The following SH3RF1 variants were observed in gnomAD, a reference collection of about 807,000 sequenced individuals.
SH3RF1 encodes the protein E3 ubiquitin-protein ligase SH3RF1.
A neutral mutation model predicts 74.0 loss-of-function variants in SH3RF1; 32 were observed. That is an observed-to-expected ratio of 0.43 (90% CI 0.33 to 0.58). The LOEUF is 0.58. SH3RF1 is among the 20% of genes least tolerant of loss of function. The pLI, the probability that SH3RF1 is intolerant of heterozygous loss-of-function variation, is 0.05. For missense variants in SH3RF1, 954 were observed against 1,130.9 expected (o/e 0.84, Z 2.24); for synonymous variants, 396 against 439.6 (o/e 0.90, Z 1.24).
intron 4 of SH3RF1, among the ~76,000 whole-genome samples, chr4:169,150,254 T>C (rs1004959460): frequency 2.2e-4 from 34 of 152,234 alleles, no homozygotes; most frequent in Non-Finnish European, 5.0e-4. Context: ...TCCTTGACAA[T>C]AAGTCTGTCC....
intron 2 of SH3RF1, among the ~76,000 whole-genome samples, chr4:169,265,749 T>C (rs1476350787): frequency 3.3e-5 from 5 of 152,208 alleles, no homozygotes; most frequent in Non-Finnish European, 5.9e-5. Context: ...CTGCTGGGAT[T>C]ATAGGCGTGA....
intron 2 of SH3RF1, among the ~76,000 whole-genome samples, chr4:169,208,291 T>G (rs1000213223): frequency 6.6e-6 from 1 of 152,034 alleles, no homozygotes; most frequent in Non-Finnish European, 1.5e-5. Flanking sequence ...TTATCTTCTA[T>G]AGGAATTTCA....
At chr4:169,119,156 T>G (rs1199544092) in intron 8 of SH3RF1, among the ~76,000 whole-genome samples, 1 of 151,752 alleles carries the variant, frequency 6.6e-6, no homozygotes, top group Non-Finnish European at 1.5e-5. Context: ...CAGGCTGGAG[T>G]GCAGTGGCAT....
chr4:169,218,438 A>C (rs1169587718), intron 2 of SH3RF1, among the ~76,000 whole-genome samples: 2 of 143,002 alleles, frequency 1.4e-5, no homozygotes, highest in African/African-American at 5.3e-5. Flanking sequence ...AGAATATAGA[A>C]TATAATACAT....
chr4:169,245,790 G>T (rs544092560), intron 2 of SH3RF1, among the ~76,000 whole-genome samples: 37 of 152,308 alleles, frequency 2.4e-4, no homozygotes, highest in Non-Finnish European at 4.1e-4. Context: ...AATGTAATTT[G>T]TAAGTAATTT....
At chr4:169,265,248 T>C (rs912641790) in intron 2 of SH3RF1, among the ~76,000 whole-genome samples, 2 of 152,190 alleles carry the variant, frequency 1.3e-5, no homozygotes, top group Non-Finnish European at 2.9e-5. Context: ...CAGCAGCTAG[T>C]GTAGTGCCCG....
intron 2 of SH3RF1, among the ~76,000 whole-genome samples, chr4:169,213,627 C>T (rs1730414908): frequency 6.6e-6 from 1 of 152,182 alleles, no homozygotes; most frequent in East Asian, 1.9e-4. Flanking sequence ...ATTTTCTCTT[C>T]TTGGAGTTTC....
At chr4:169,176,994 C>CT (rs1207450031) in intron 2 of SH3RF1, among the ~76,000 whole-genome samples, 5 of 152,170 alleles carry the variant, frequency 3.3e-5, no homozygotes, top group African/African-American at 1.2e-4. Flanking sequence ...TCTTGAACTC[C>CT]TGGCCTCCAG....
chr4:169,252,738 A>T (rs891845521), intron 2 of SH3RF1, among the ~76,000 whole-genome samples: 1 of 152,242 alleles, frequency 6.6e-6, no homozygotes. Flanking sequence ...ATACGTGCTG[A>T]TGGACTGACG....
chr4:169,131,167 G>T (rs1454459064), intron 5 of SH3RF1, among the ~76,000 whole-genome samples: 1 of 152,150 alleles, frequency 6.6e-6, no homozygotes, highest in African/African-American at 2.4e-5. Context: ...ACTGGGGTAG[G>T]CCCGACCAAA....
At chr4:169,161,533 A>G (rs920093012) in intron 2 of SH3RF1, among the ~76,000 whole-genome samples, 3 of 152,180 alleles carry the variant, frequency 2.0e-5, no homozygotes, top group Admixed American at 6.5e-5. Context: ...GGTAAATAAA[A>G]CATTCACTGC....
intron 2 of SH3RF1, among the ~76,000 whole-genome samples, chr4:169,194,919 CAT>C (rs1462817675): frequency 2.6e-5 from 4 of 152,176 alleles, no homozygotes; most frequent in African/African-American, 9.7e-5. Context: ...GACTATTTAT[CAT>C]ATGTTTTAAC....
At chr4:169,169,464 GTGCATACC>G (rs1734291918) in intron 2 of SH3RF1, among the ~76,000 whole-genome samples, 1 of 152,118 alleles carries the variant, frequency 6.6e-6, no homozygotes, top group Non-Finnish European at 1.5e-5. Flanking sequence ...AGGTGTGGTG[GTGCATACC>G]TGTAGTCCCA....
intron 2 of SH3RF1, among the ~76,000 whole-genome samples, chr4:169,236,333 T>C (rs1730823325): frequency 6.6e-6 from 1 of 152,220 alleles, no homozygotes. Context: ...TGTGCTGAGA[T>C]GGAGCCTTTG....
chr4:169,186,215 G>C (rs1734599622), intron 2 of SH3RF1, among the ~76,000 whole-genome samples: 1 of 152,140 alleles, frequency 6.6e-6, no homozygotes, highest in African/African-American at 2.4e-5. Flanking sequence ...TTTAAGGAGA[G>C]TGGTAGCTGG....
chr4:169,255,234 G>A (rs1731166769), intron 2 of SH3RF1, among the ~76,000 whole-genome samples: 1 of 152,012 alleles, frequency 6.6e-6, no homozygotes. Context: ...TACAAAATCA[G>A]TACGTGAATA....
chr4:169,157,885 C>A (rs1358384866), intron 2 of SH3RF1, among the ~76,000 whole-genome samples: 1 of 151,656 alleles, frequency 6.6e-6, no homozygotes, highest in African/African-American at 2.4e-5. Context: ...GGATTGCAGG[C>A]AAGCACCACT....
intron 2 of SH3RF1, among the ~76,000 whole-genome samples, chr4:169,194,259 G>A (rs1734774409): frequency 6.6e-6 from 1 of 152,126 alleles, no homozygotes; most frequent in South Asian, 2.1e-4. Flanking sequence ...TGCAGTTCAA[G>A]TATTTGTCAC....
chr4:169,188,981 A>G (rs1579127466), intron 2 of SH3RF1, among the ~76,000 whole-genome samples: 1 of 152,378 alleles, frequency 6.6e-6, no homozygotes, highest in Non-Finnish European at 1.5e-5. Context: ...ATATAGTGCA[A>G]AAGCAAAAAA....
Sources: allele counts gnomAD v4.1 joint callset (sites outside exome capture counted in the v4.1 genomes callset), GRCh38; gene constraint gnomAD v4.1.1; transcripts MANE v1.5; gene names NCBI Gene and HGNC (gene_info 2026-07-23, HGNC 2026-07-21).